MIB2: variants seen among roughly 807,000 people sequenced by gnomAD.
MIB2 encodes the protein MIB E3 ubiquitin protein ligase 2.
In MIB2, 78 loss-of-function variants were observed where a neutral mutation model predicts 96.6. That is an observed-to-expected ratio of 0.81 (90% CI 0.67 to 0.97). The LOEUF (loss-of-function observed/expected upper bound fraction) is 0.97. Among genes scored for constraint, MIB2 ranks in the 50% least tolerant of loss-of-function variants. The probability of loss-of-function intolerance (pLI) is 0.00; values close to 1 mark genes in which losing one functional copy is unlikely to be tolerated. For synonymous variants in MIB2, 820 were observed against 629.5 expected (o/e 1.30, Z -4.53); for missense variants, 1,543 against 1,424.0 (o/e 1.08, Z -1.35).
chr1:1,624,909 G>A lies in MIB2; in HGVS notation c.526+8G>A, dbSNP rs765144541. ...AGTGGGGCTCACAGGATGGTGAGTG[G>A]AGGCAGAGGGGCGGGGTCAGGGCTG... is the stretch of plus-strand genomic sequence containing the variant. On this transcript the variant is annotated splice_region_variant and intron_variant, in intron 5 of 19. Transcript: ENST00000355826. 3.7e-6 allele frequency: 6 copies of A among 1,611,688 alleles called. No individual in the cohort carries two copies. The Admixed American group carries it at 1.0e-4, about 27-fold the overall frequency.
Position 1,629,685 on chromosome 1 carries a change from C to CAGCAAG in MIB2, c.2612_2617dup (p.Ser871_Lys872dup). 1 of 1,599,624 alleles carries CAGCAAG rather than the reference C, an allele frequency of 6.3e-7. No individual in the cohort carries two copies. Among genetic ancestry groups the CAGCAAG allele is most frequent in the Non-Finnish European group, 8.5e-7 (1 of 1,173,026 alleles). Reference sequence around the variant, plus strand: ...AGTGCATCAGGTGCCAGGTGGTCGTCAGCAAGAAACTGCGCCCAGGTGGGT... The same window carrying CAGCAAG: ...AGTGCATCAGGTGCCAGGTGGTCGTCAGCAAGAGCAAGAAACTGCGCCCAGGTGGGT... On this transcript the variant is annotated inframe_insertion, in exon 19 of 20. Coordinates refer to ENST00000355826, the MANE Select transcript of MIB2 (RefSeq NM_001170687.4).
chr1:1,615,403 C>A, upstream of MIB2: 1 of 1,455,558 alleles, frequency 6.9e-7, no homozygotes, highest in South Asian at 1.4e-5. Flanking sequence ...CGCAGACGCT[C>A]CCGCGTGACG....
chr1:1,629,556 C>T lies in MIB2; in HGVS notation c.2553C>T (p.Thr851=). ...LVLFSPCQHR[T]VCEECARRMK... ...TGTTCTCGCCGTGCCAGCACCGCAC[C>T]GTGTGTGAGGGTGAGTGGGGGGCCC... The change falls in exon 18 of 20, where the codon ACC becomes ACT. Residue 851 remains threonine, a synonymous_variant. Coordinates refer to ENST00000355826, the MANE Select transcript of MIB2 (RefSeq NM_001170687.4). 1.9e-6 allele frequency: 3 copies of T among 1,556,096 alleles called. No homozygotes were observed. Among genetic ancestry groups the T allele is most frequent in the South Asian group, 1.2e-5 (1 of 85,166 alleles).
rs540555029 is a variant in MIB2, at chr1:1,625,405, G to A, written c.841G>A (p.Gly281Ser). ...GCGGGAGATGCAGGAAGGCCACGGC[G>A]GCTGGAACCCCAGGATGGCGGAGGT... ...VLREMQEGHG[G>S]WNPRMAEFIG... Residue 281 changes from glycine to serine, a missense_variant, in exon 7 of 20, where the codon GGC becomes AGC. Gly to Ser is a moderately conservative substitution (Grantham distance 56). Coordinates refer to ENST00000355826, the MANE Select transcript of MIB2 (RefSeq NM_001170687.4). This position sits in a 1 kb window ranked among gnomAD's most constrained non-coding sequence, Gnocchi z 5.0. 5.7e-6 allele frequency: 9 copies of A among 1,578,098 alleles called. No homozygotes were observed. The highest frequency in any genetic ancestry group is 2.7e-5 in the African/African-American group (2 of 73,998).
At chr1:1,627,862 G>C in intron 13 of MIB2, 33 bp downstream of exon 13, 2 of 1,596,068 alleles carry the variant, frequency 1.3e-6, no homozygotes, top group Non-Finnish European at 1.7e-6. Flanking sequence ...GGTGCCCCCT[G>C]CCCGTGAGTG....
At position 1,625,964 on chromosome 1, in the gene MIB2, T is replaced by A. The variant is rs1171823576; in HGVS notation, c.972+311T>A. 12 of 433,024 alleles carry A rather than the reference T, an allele frequency of 2.8e-5. No homozygotes were observed. Among genetic ancestry groups the A allele is most frequent in the African/African-American group, 2.4e-4 (12 of 49,620 alleles). 26.8% of individuals were successfully genotyped at this position (433,024 alleles called of 1,614,324 possible). On this transcript the variant is annotated intron_variant, in intron 8 of 19. Transcript: ENST00000355826. The surrounding 1 kb of genome is among the most constrained non-coding windows in gnomAD (Gnocchi z 5.0). ...CGGGAGGGAGGCGGCTGGGCTAAGA[T>A]GCTCCTGGTTAGTGCTGTATGGGGG...
chr1:1,626,204 G>A lies in MIB2; in HGVS notation c.973-446G>A, dbSNP rs555904190. 1.5e-5 allele frequency: 3 copies of A among 201,778 alleles called. No individual in the cohort carries two copies. Among genetic ancestry groups the A allele is most frequent in the South Asian group, 2.3e-4 (2 of 8,742 alleles). 12.5% of individuals were successfully genotyped at this position (201,778 alleles called of 1,614,324 possible). A position where few individuals can be genotyped will look rare whatever the true frequency, so the allele number is the denominator to read the frequency against. On this transcript the variant is annotated intron_variant, in intron 8 of 19. Transcript: ENST00000355826. The surrounding 1 kb of genome is among the most constrained non-coding windows in gnomAD (Gnocchi z 5.3). Reference sequence around the variant, plus strand: ...CTGGATACCAGGCACCTTTGAGGAGGCGCCGAAGGGAGTCATGAGACGGGC... The same window carrying A: ...CTGGATACCAGGCACCTTTGAGGAGACGCCGAAGGGAGTCATGAGACGGGC...
At chr1:1,620,420 G>A (rs1273767513) in intron 2 of MIB2, among the ~76,000 whole-genome samples, 1 of 152,224 alleles carries the variant, frequency 6.6e-6, no homozygotes, top group South Asian at 2.1e-4. Flanking sequence ...CCTGTGATGA[G>A]CCCTGCTCTG....
chr1:1,618,592 G>T (rs1294118621), intron 2 of MIB2: 1 of 152,330 alleles, frequency 6.6e-6, no homozygotes, highest in Non-Finnish European at 1.5e-5. Flanking sequence ...TACCCTCGGG[G>T]TCAGCTTGAC....
intron 2 of MIB2, chr1:1,616,912 C>T: frequency 2.9e-6 from 1 of 347,422 alleles, no homozygotes; most frequent in South Asian, 2.9e-5. Flanking sequence ...CCACCCTGGC[C>T]TGTTGCCTCA....
chr1:1,630,042 C>T (rs141035747), intron 19 of MIB2, among the ~76,000 whole-genome samples: 2,445 of 146,738 alleles, frequency 0.017, 31 homozygotes, highest in Middle Eastern at 0.046. Context: ...CACACCCCGG[C>T]CCAGCTCACA....
chr1:1,624,438 C>CATG (rs1302706349), intron 4 of MIB2, among the ~76,000 whole-genome samples: 1 of 152,216 alleles, frequency 6.6e-6, no homozygotes, highest in African/African-American at 2.4e-5. Context: ...GCTGAGCCCA[C>CATG]CTCTGGGCCT....
At position 1,629,206 on chromosome 1, in the gene MIB2, A is replaced by C. The variant is rs979552022; in HGVS notation, c.2276A>C (p.Glu759Ala). ...GAAVACFLAL[E>A]GADVSYTNHR... is the part of the protein sequence containing the mutation. ...GCGGTCGCCTGCTTCCTGGCGCTGGAGGGCGCCGACGTGAGCTACACCAAC... is the reference window on the plus strand; with the variant it reads ...GCGGTCGCCTGCTTCCTGGCGCTGGCGGGCGCCGACGTGAGCTACACCAAC... Residue 759 changes from glutamate to alanine, a missense_variant, in exon 17 of 20, where the codon GAG becomes GCG. By Grantham distance (107) the Glu-to-Ala change is moderately radical. Transcript: ENST00000355826. 1.3e-6 allele frequency: 2 copies of C among 1,526,340 alleles called. No individual in the cohort carries two copies. The highest frequency in any genetic ancestry group is 2.0e-5 in the Admixed American group (1 of 50,732). The allele number at this position is 1,526,340 out of a possible 1,614,324, so 94.5% of individuals were successfully genotyped here. A position where few individuals can be genotyped will look rare whatever the true frequency, so the allele number is the denominator to read the frequency against.
intron 2 of MIB2, among the ~76,000 whole-genome samples, chr1:1,620,192 G>A (rs1041641683): frequency 7.9e-5 from 12 of 152,362 alleles, no homozygotes; most frequent in South Asian, 4.1e-4. Context: ...CCAGCGGGTC[G>A]GGCAGGTGTG....
At position 1,627,663 on chromosome 1, in the gene MIB2, C is replaced by A; in HGVS notation, c.1524-10C>A. 2 of 1,590,406 alleles carry A rather than the reference C, an allele frequency of 1.3e-6. No individual in the cohort carries two copies. The highest frequency in any genetic ancestry group is 2.2e-5 in the East Asian group (1 of 44,510). Reference sequence around the variant, plus strand: ...CGGCGCCCTCCCTCTCCCACTTCCTCTCCTGTCAGGAACCAGCCCGAGGCC... The same window carrying A: ...CGGCGCCCTCCCTCTCCCACTTCCTATCCTGTCAGGAACCAGCCCGAGGCC... On this transcript the variant is annotated splice_polypyrimidine_tract_variant and intron_variant, in intron 12 of 19. Transcript: ENST00000355826.
At chr1:1,621,602 C>A (rs549012069) in intron 2 of MIB2, among the ~76,000 whole-genome samples, 1 of 152,240 alleles carries the variant, frequency 6.6e-6, no homozygotes, top group African/African-American at 2.4e-5. Flanking sequence ...AAGCAGAGCC[C>A]GGCTGCTGGG....
In MIB2 at chr1:1,628,621, G is replaced by T; in HGVS notation, c.2101G>T (p.Gly701Trp). 6.3e-7 allele frequency: 1 copy of T among 1,598,752 alleles called. No individual in the cohort carries two copies. Residue 701 changes from glycine (G) to tryptophan (W), a missense_variant, in exon 16 of 20, where the codon GGG (glycine) becomes TGG (tryptophan). Gly to Trp is a radical substitution (Grantham distance 184). Transcript: ENST00000355826. ...CAGTGTCAACGCCGAGGACGAGGAGGGGGACACAGCCCTGCACGTGGCGCT... is the reference window on the plus strand; with the variant it reads ...CAGTGTCAACGCCGAGGACGAGGAGTGGGACACAGCCCTGCACGTGGCGCT... ...GCSVNAEDEEGDTALHVALQR... is the reference protein window; with the variant it reads ...GCSVNAEDEEWDTALHVALQR...
Position 1,615,607 on chromosome 1 carries a change from C to G in MIB2, c.-156C>G. 6.4e-7 allele frequency: 1 copy of G among 1,568,610 alleles called. No homozygotes were observed. Among genetic ancestry groups the G allele is most frequent in the Non-Finnish European group, 8.6e-7 (1 of 1,161,676 alleles). On this transcript the variant is annotated 5_prime_UTR_variant, in exon 1 of 20. Coordinates refer to ENST00000355826, the MANE Select transcript of MIB2 (RefSeq NM_001170687.4). ...CCGAGTCGCTCCTAGGTCACTGGCG[C>G]GATGCGGGCCGTCCTCTCGGCTGAT...
At chr1:1,615,853 C>G (rs918304428) in intron 1 of MIB2, 2 of 1,202,410 alleles carry the variant, frequency 1.7e-6, no homozygotes, top group Non-Finnish European at 2.1e-6. Flanking sequence ...GCGCGGGACT[C>G]CAGCTCCCGG....
Sources: gnomAD v4.1 joint callset for allele counts (sites outside exome capture counted in the v4.1 genomes callset) on GRCh38, gnomAD v4.1.1 for gene constraint, Gnocchi (gnomAD v3.1) non-coding constraint, MANE v1.5 for transcripts, NCBI Gene and HGNC (gene_info 2026-07-23, HGNC 2026-07-21) for gene names.